MRTFA: variants seen among roughly 807,000 people sequenced by gnomAD.
The protein encoded by MRTFA is myocardin-related transcription factor A.
In MRTFA, 20 loss-of-function variants were observed where a neutral mutation model predicts 83.5. The ratio of observed to expected loss-of-function variants is 0.24; its 90% CI spans 0.17 to 0.35. The LOEUF (loss-of-function observed/expected upper bound fraction) is 0.35, where lower values mean the gene tolerates loss of function less well. Among genes scored for constraint, MRTFA ranks in the 10% least tolerant of loss-of-function variants. The pLI is 1.00. For synonymous variants in MRTFA, 659 were observed against 541.2 expected (o/e 1.22, Z -3.02); for missense variants, 1,200 against 1,224.7 (o/e 0.98, Z 0.30).
intron 14 of MRTFA, chr22:40,412,553 G>A (rs1254297360): frequency 6.6e-6 from 1 of 152,232 alleles, no homozygotes; most frequent in Non-Finnish European, 1.5e-5. Flanking sequence ...ATTCACAACA[G>A]TAGAATGTGG....
intron 3 of MRTFA, among the ~76,000 whole-genome samples, chr22:40,475,773 T>C (rs981919433): frequency 6.6e-6 from 1 of 152,220 alleles, no homozygotes; most frequent in Non-Finnish European, 1.5e-5. Context: ...AGCAGAAAGA[T>C]GGTACTGCCC....
At chr22:40,500,548 C>CA (rs1173840998) in intron 3 of MRTFA, among the ~76,000 whole-genome samples, 1 of 151,754 alleles carries the variant, frequency 6.6e-6, no homozygotes, top group Non-Finnish European at 1.5e-5. Context: ...CAGCCTTCCG[C>CA]AGTGTTTGTG....
intron 11 of MRTFA, among the ~76,000 whole-genome samples, 189 bp from the exon 12 acceptor site, chr22:40,419,573 C>T (rs1190001523): frequency 6.6e-6 from 1 of 152,212 alleles, no homozygotes; most frequent in East Asian, 1.9e-4. Context: ...ATTGTTCTCA[C>T]TCTAGCAGGG....
chr22:40,573,145 G>T (rs2055821189), intron 2 of MRTFA, among the ~76,000 whole-genome samples: 1 of 152,194 alleles, frequency 6.6e-6, no homozygotes, highest in African/African-American at 2.4e-5. Context: ...GAAGGAGTAT[G>T]AAGTTTCTTT....
At chr22:40,516,156 G>A (rs180744587) in intron 3 of MRTFA, among the ~76,000 whole-genome samples, 15 of 152,182 alleles carry the variant, frequency 9.9e-5, no homozygotes, top group Admixed American at 2.0e-4. Context: ...GGTGGCTCAT[G>A]CCTGTAATCC....
chr22:40,463,159 T>C, intron 4 of MRTFA, 62 bp downstream of exon 4: 2 of 1,389,314 alleles, frequency 1.4e-6, no homozygotes, highest in Non-Finnish European at 1.0e-6. Context: ...CATGGCATAC[T>C]CGGTGAACAC....
chr22:40,499,914 CT>C (rs72041822), intron 3 of MRTFA, among the ~76,000 whole-genome samples: 5,590 of 84,834 alleles, frequency 0.066, 27 homozygotes, highest in East Asian at 0.17. Flanking sequence ...TCAAGTAGAC[CT>C]TTTTTTTTTT....
chr22:40,609,290 CA>C (rs56048331), intron 1 of MRTFA, among the ~76,000 whole-genome samples: 12,505 of 92,584 alleles, frequency 0.14, 636 homozygotes, highest in East Asian at 0.29. Context: ...GACTCCTTCT[CA>C]AAAAAAAAAA....
chr22:40,567,896 G>T (rs1051281361), intron 2 of MRTFA, among the ~76,000 whole-genome samples: 1 of 152,008 alleles, frequency 6.6e-6, no homozygotes, highest in African/African-American at 2.4e-5. Context: ...CATCCTCTCC[G>T]GATAGATCAA....
intron 1 of MRTFA, among the ~76,000 whole-genome samples, chr22:40,632,822 A>T (rs748021361): frequency 6.6e-6 from 1 of 152,222 alleles, no homozygotes; most frequent in Non-Finnish European, 1.5e-5. Flanking sequence ...TGTGAAAAAT[A>T]AGAAATGTTG....
At chr22:40,528,737 CAAA>C (rs11321951) in intron 3 of MRTFA, among the ~76,000 whole-genome samples, 55 of 116,576 alleles carry the variant, frequency 4.7e-4, no homozygotes, top group Admixed American at 7.0e-4. Flanking sequence ...AACTCTGCTT[CAAA>C]AAAAAAAAAA....
At position 40,410,876 on chromosome 22, in the gene MRTFA, C is replaced by T. The variant is rs113796307; in HGVS notation, c.*514G>A. ...CACCAACCACTAAATGGTTACACTACACCAAGACACTAAAATGGCAGGGAG... is the reference window on the plus strand; with the variant it reads ...CACCAACCACTAAATGGTTACACTATACCAAGACACTAAAATGGCAGGGAG... On this transcript the variant is annotated 3_prime_UTR_variant, in exon 15 of 15. Coordinates refer to ENST00000355630, the MANE Select transcript of MRTFA (RefSeq NM_020831.6). The T allele has an allele frequency of 1.2e-3, 283 of 233,912 alleles. No homozygotes were observed. The highest frequency in any genetic ancestry group is 1.4e-3 in the South Asian group (8 of 5,562). 14.5% of individuals were successfully genotyped at this position (233,912 alleles called of 1,614,324 possible). A position where few individuals can be genotyped will look rare whatever the true frequency, so the allele number is the denominator to read the frequency against.
chr22:40,434,637 G>A (rs754410565), intron 5 of MRTFA, among the ~76,000 whole-genome samples: 24 of 152,152 alleles, frequency 1.6e-4, no homozygotes, highest in Admixed American at 4.6e-4. Flanking sequence ...CAGGAGAATC[G>A]CTTGAATCTG....
At chr22:40,435,808 G>A (rs1436317394) in intron 4 of MRTFA, among the ~76,000 whole-genome samples, 1 of 151,938 alleles carries the variant, frequency 6.6e-6, no homozygotes, top group East Asian at 1.9e-4. Context: ...GGTGGTGGGC[G>A]CCTGAAGTCC....
intron 3 of MRTFA, among the ~76,000 whole-genome samples, chr22:40,527,577 G>A (rs2054999250): frequency 6.6e-6 from 1 of 151,898 alleles, no homozygotes; most frequent in African/African-American, 2.4e-5. Context: ...CTAACACAGT[G>A]AAACCCTGTC....
chr22:40,503,971 T>G (rs572855326), intron 3 of MRTFA, among the ~76,000 whole-genome samples: 43 of 152,240 alleles, frequency 2.8e-4, no homozygotes, highest in Non-Finnish European at 4.7e-4. Flanking sequence ...ATAAACTGCC[T>G]GAAACTTCAT....
rs375465511 is a variant in MRTFA at position 40,423,822 on chromosome 22, G to A, written c.778-137C>T. ...GTGGGCAGAGACCGGAGGAGGAGAA[G>A]AGCAACCCCCAGGGTGGCAGGAGCA... is the stretch of plus-strand genomic sequence containing the variant. On this transcript the variant is annotated intron_variant, in intron 8 of 14. Transcript: ENST00000355630. 88 of 772,226 alleles carry A rather than the reference G, an allele frequency of 1.1e-4. 4 individuals carry two copies. The Middle Eastern group carries it at 1.9e-3, about 16-fold the overall frequency. 47.8% of individuals were successfully genotyped at this position (772,226 alleles called of 1,614,324 possible). A position where few individuals can be genotyped will look rare whatever the true frequency, so the allele number is the denominator to read the frequency against.
intron 2 of MRTFA, among the ~76,000 whole-genome samples, chr22:40,581,424 T>C (rs560160052): frequency 2.0e-5 from 3 of 152,328 alleles, no homozygotes; most frequent in African/African-American, 4.8e-5. Context: ...AAAAACTTTC[T>C]ACAGAGCTCA....
chr22:40,477,854 A>G (rs898893988), intron 3 of MRTFA, among the ~76,000 whole-genome samples: 2 of 152,102 alleles, frequency 1.3e-5, no homozygotes, highest in Non-Finnish European at 1.5e-5. Context: ...AGGGGAAACA[A>G]AAAGAAAGGG....
Sources: gnomAD v4.1 joint callset for allele counts (sites outside exome capture counted in the v4.1 genomes callset) on GRCh38, gnomAD v4.1.1 for gene constraint, MANE v1.5 for transcripts, NCBI Gene and HGNC (gene_info 2026-07-23, HGNC 2026-07-21) for gene names.